Variants in CTBP2 observed in about 807,000 individuals in gnomAD.
The protein encoded by CTBP2 is C-terminal binding protein 2, also known as C-terminal-binding protein 2.
A neutral mutation model predicts 80.3 loss-of-function variants in CTBP2; 30 were observed. The ratio of observed to expected loss-of-function variants is 0.37; its 90% CI spans 0.28 to 0.51. The LOEUF (loss-of-function observed/expected upper bound fraction) is 0.51, where lower values mean the gene tolerates loss of function less well. CTBP2 is among the 20% of genes least tolerant of loss of function. The pLI is 0.93. For synonymous variants in CTBP2, 594 were observed against 587.4 expected (o/e 1.01, Z -0.16); for missense variants, 1,212 against 1,375.3 (o/e 0.88, Z 1.88).
At chr10:125,068,483 G>C (rs1309365641) in intron 2 of CTBP2, among the ~76,000 whole-genome samples, 1 of 152,216 alleles carries the variant, frequency 6.6e-6, no homozygotes, top group East Asian at 1.9e-4. Flanking sequence ...GGTTTACTGA[G>C]CAATGAAACT....
intron 2 of CTBP2, among the ~76,000 whole-genome samples, chr10:125,107,245 G>T (rs1467378379): frequency 6.6e-6 from 1 of 152,244 alleles, no homozygotes; most frequent in African/African-American, 2.4e-5. Context: ...GAGAACCCCA[G>T]AGATGAAAGG....
intron 1 of CTBP2, among the ~76,000 whole-genome samples, chr10:125,019,641 C>G (rs1253734894): frequency 6.6e-6 from 1 of 152,182 alleles, no homozygotes; most frequent in African/African-American, 2.4e-5. Context: ...CCCTACCTCA[C>G]ACCATATGCA....
chr10:125,007,001 G>A (rs1003196068), intron 1 of CTBP2, among the ~76,000 whole-genome samples: 2 of 152,212 alleles, frequency 1.3e-5, no homozygotes, highest in Non-Finnish European at 2.9e-5. Context: ...AGCGCTCAGG[G>A]TGGCCCCGTA....
intron 2 of CTBP2, among the ~76,000 whole-genome samples, chr10:125,080,854 T>C (rs554455661): frequency 2.0e-5 from 3 of 151,912 alleles, no homozygotes; most frequent in Non-Finnish European, 4.4e-5. Flanking sequence ...TGGAGGCAAC[T>C]GCACATGCGT....
At chr10:125,139,521 ACTGT>A (rs1176459496) in intron 1 of CTBP2, among the ~76,000 whole-genome samples, 1 of 151,908 alleles carries the variant, frequency 6.6e-6, no homozygotes, top group African/African-American at 2.4e-5. Context: ...CCCCTAAAAG[ACTGT>A]CTGCCTTGTT....
At chr10:125,032,018 T>C (rs1054893549), upstream of CTBP2, among the ~76,000 whole-genome samples, 3 of 151,916 alleles carry the variant, frequency 2.0e-5, no homozygotes, top group African/African-American at 7.3e-5. Flanking sequence ...GGAACTGCAT[T>C]ATGAAAATTA....
Position 124,993,894 on chromosome 10 carries a change from C to T in CTBP2, c.2492G>A (p.Arg831Gln), listed in dbSNP as rs1250927529. The change falls in exon 6 of 9, where the codon CGA (arginine) becomes CAA (glutamine). Residue 831 changes from arginine to glutamine, a missense_variant. Physicochemically the swap from Arg to Gln is conservative, Grantham distance 43. Transcript: ENST00000309035. ...CTCATGCACGTCGAGGGCTGCCCCT[C>T]GTATCCTGCCCTCCTTGAGGGCTTG... is the stretch of plus-strand genomic sequence containing the variant. 1.9e-6 allele frequency: 3 copies of T among 1,613,950 alleles called. No homozygotes were observed. Among genetic ancestry groups the T allele is most frequent in the Non-Finnish European group, 2.5e-6 (3 of 1,180,042 alleles).
chr10:125,053,601 G>A (rs531360021), intron 2 of CTBP2, among the ~76,000 whole-genome samples: 1 of 152,280 alleles, frequency 6.6e-6, no homozygotes, highest in South Asian at 2.1e-4. Context: ...AAGGGGTGAG[G>A]CTAATAGGTT....
chr10:125,026,005 T>C (rs1957494399), intron 1 of CTBP2: 2 of 1,504,380 alleles, frequency 1.3e-6, no homozygotes, highest in South Asian at 1.3e-5. Context: ...TGCCATCCTA[T>C]GTTCAAACTT....
chr10:125,096,281 T>C (rs1849534445), intron 2 of CTBP2, among the ~76,000 whole-genome samples: 2 of 152,088 alleles, frequency 1.3e-5, no homozygotes, highest in South Asian at 4.1e-4. Flanking sequence ...TGAGAGTAGG[T>C]TAAAGAGAAA....
rs55742060 is a variant in CTBP2 at position 125,072,634 on chromosome 10, GAAAAAA to G, written c.-101-33485_-101-33480del. Among the ~76,000 whole-genome samples, 914 of 100,166 alleles carry G rather than the reference GAAAAAA, an allele frequency of 9.1e-3. 7 individuals carry two copies. The highest frequency in any genetic ancestry group is 0.033 in the African/African-American group (829 of 25,386). 65.7% of individuals were successfully genotyped at this position (100,166 alleles called of 152,430 possible). A position where few individuals can be genotyped will look rare whatever the true frequency, so the allele number is the denominator to read the frequency against. ...TGAGACTCTGTCTCAAAAAAGAAAA[GAAAAAA>G]AAAAAAAAAAAAAAAAAGGAAACTG... On this transcript the variant is annotated intron_variant, in intron 2 of 10. Transcript: ENST00000337195.
In CTBP2 at chr10:124,986,095, G is replaced by C. The variant is rs945913137; in HGVS notation, c.*3423C>G. 6.6e-6 allele frequency: 1 copy of C among 152,592 alleles called. No homozygotes were observed. The highest frequency in any genetic ancestry group is 2.4e-5 in the African/African-American group (1 of 41,434). The allele number at this position is 152,592 out of a possible 1,614,324, so 9.5% of individuals were successfully genotyped here. A position where few individuals can be genotyped will look rare whatever the true frequency, so the allele number is the denominator to read the frequency against. On this transcript the variant is annotated 3_prime_UTR_variant, in exon 9 of 9. Transcript: ENST00000309035. ...AATTGTGGCCATTCTTTAATTTAAA[G>C]TTAAAACTATAATCTTAGGTAGAAA...
At chr10:125,099,147 G>C (rs1203063729) in intron 2 of CTBP2, among the ~76,000 whole-genome samples, 1 of 152,202 alleles carries the variant, frequency 6.6e-6, no homozygotes, top group African/African-American at 2.4e-5. Context: ...AAAGGCTGTG[G>C]AGCAGAACAT....
intron 1 of CTBP2, chr10:125,005,588 A>G: frequency 6.2e-7 from 1 of 1,612,620 alleles, no homozygotes; most frequent in East Asian, 2.2e-5. Flanking sequence ...CGTGCAGCAC[A>G]AAGCTGGATA....
chr10:125,114,937 A>G (rs1590870517), intron 1 of CTBP2, among the ~76,000 whole-genome samples: 1 of 152,088 alleles, frequency 6.6e-6, no homozygotes, highest in East Asian at 1.9e-4. Context: ...ATTTCTAGTG[A>G]TATTTCTGCC....
At chr10:125,072,564 CAGG>C (rs1168827105) in intron 2 of CTBP2, among the ~76,000 whole-genome samples, 2 of 141,588 alleles carry the variant, frequency 1.4e-5, no homozygotes, top group African/African-American at 5.2e-5. Flanking sequence ...TGCAGTGAGC[CAGG>C]ATTGCACCAC....
At chr10:125,150,344 G>A (rs1859599137) in intron 1 of CTBP2, among the ~76,000 whole-genome samples, 2 of 152,236 alleles carry the variant, frequency 1.3e-5, no homozygotes, top group African/African-American at 4.8e-5. Flanking sequence ...CACTGTGAAA[G>A]CTACACACAT....
chr10:125,051,371 G>A (rs1483488711), intron 2 of CTBP2, among the ~76,000 whole-genome samples: 1 of 152,232 alleles, frequency 6.6e-6, no homozygotes, highest in Non-Finnish European at 1.5e-5. Context: ...CAGGCATGGT[G>A]GCTCACGCCT....
At chr10:125,145,251 A>AC (rs1246680105) in intron 1 of CTBP2, among the ~76,000 whole-genome samples, 2 of 151,980 alleles carry the variant, frequency 1.3e-5, no homozygotes, top group Non-Finnish European at 2.9e-5. Flanking sequence ...TGCATCAGGC[A>AC]CCCCCTGGAG....
Sources: gnomAD v4.1 joint callset for allele counts (sites outside exome capture counted in the v4.1 genomes callset) on GRCh38, gnomAD v4.1.1 for gene constraint, MANE v1.5 for transcripts, NCBI Gene and HGNC (gene_info 2026-07-23, HGNC 2026-07-21) for gene names.